The following CLSTN1 variants were observed in gnomAD, a reference collection of about 807,000 sequenced individuals.
The protein encoded by CLSTN1 is calsyntenin-1.
CLSTN1 carries 28 observed loss-of-function variants against 108.3 expected under a neutral mutation model. The observed-to-expected ratio is 0.26, with a 90% confidence interval of 0.19 to 0.35. The LOEUF (loss-of-function observed/expected upper bound fraction) is 0.35. CLSTN1 is among the 10% of genes least tolerant of loss of function. The pLI is 1.00. For synonymous variants in CLSTN1, 524 were observed against 534.9 expected, an observed-to-expected ratio of 0.98 and a Z score of 0.28; for missense variants, 1,157 against 1,302.6, an observed-to-expected ratio of 0.89 and a Z score of 1.72.
rs377314323 is a variant in CLSTN1 at position 9,750,777 on chromosome 1, G to A, written c.649+696C>T. Among the ~76,000 whole-genome samples, 25 of 149,516 alleles carry A rather than the reference G, an allele frequency of 1.7e-4. No individual in the cohort carries two copies. In the East Asian group the frequency reaches 1.8e-3, roughly 11 times the overall value. On this transcript the variant is annotated intron_variant, in intron 5 of 18. Coordinates refer to ENST00000377298, the MANE Select transcript of CLSTN1 (RefSeq NM_001009566.3). The stretch of plus-strand genomic sequence containing the variant: ...AACTTAATGGAGAACATGGCCAGGC[G>A]CGGTGGCTCACACATGTAATCCCAG...
Position 9,730,643 on chromosome 1 carries a change from C to G in CLSTN1, c.2811G>C (p.Glu937Asp). The change falls in exon 19 of 19, where the codon GAG becomes GAC. Residue 937 changes from glutamate (E) to aspartate (D), a missense_variant. Physicochemically the swap from Glu to Asp is conservative, Grantham distance 45. Coordinates refer to ENST00000377298, the MANE Select transcript of CLSTN1 (RefSeq NM_001009566.3). This position sits in a 1 kb window ranked among gnomAD's most constrained non-coding sequence, Gnocchi z 5.6. ...EEEEEEEEES[E>D]DGEEEDDITS... ...TGATGTCATCCTCTTCTTCGCCGTC[C>G]TCGCTTTCCTCTTCCTCTTCCTCTT... 6.2e-7 allele frequency: 1 copy of G among 1,610,452 alleles called. No homozygotes were observed.
intron 1 of CLSTN1, among the ~76,000 whole-genome samples, chr1:9,813,262 C>G (rs1381505732): frequency 1.3e-5 from 2 of 152,090 alleles, no homozygotes; most frequent in Non-Finnish European, 2.9e-5. Context: ...CTTTGGGAGG[C>G]TGAGGCGGGT....
chr1:9,781,136 C>T (rs1321681386), intron 1 of CLSTN1: 9 of 749,406 alleles, frequency 1.2e-5, no homozygotes, highest in East Asian at 2.5e-5. Context: ...TATTTGTGTA[C>T]GGCTTTGTGA....
chr1:9,769,799 T>C (rs1444173961), intron 2 of CLSTN1, among the ~76,000 whole-genome samples: 1 of 152,024 alleles, frequency 6.6e-6, no homozygotes, highest in African/African-American at 2.4e-5. Flanking sequence ...TCCCAGCATT[T>C]TGGGAAGCCG....
At chr1:9,748,709 G>A (rs1023497692) in intron 7 of CLSTN1, among the ~76,000 whole-genome samples, 4 of 151,936 alleles carry the variant, frequency 2.6e-5, no homozygotes, top group Non-Finnish European at 4.4e-5. Context: ...GGCTGGTCTC[G>A]AACTCCTGAC....
At chr1:9,824,281 C>T (rs1050025026), upstream of CLSTN1, 2 of 152,028 alleles carry the variant, frequency 1.3e-5, no homozygotes, top group African/African-American at 4.8e-5. This position sits in a 1 kb window ranked among gnomAD's most constrained non-coding sequence, Gnocchi z 5.0. Context: ...GCCTCAACTC[C>T]GCGTCCCTAC....
chr1:9,735,878 G>C lies in CLSTN1; in HGVS notation c.1734+7C>G. On this transcript the variant is annotated splice_region_variant and intron_variant, in intron 12 of 18. Transcript: ENST00000377298. ...TGAGTGGTGTGCAGTCGAGCGCTCG[G>C]TGTTACCTGCACGCCTCTGCCACTG... is the stretch of plus-strand genomic sequence containing the variant. The C allele has an allele frequency of 6.2e-7, 1 of 1,614,036 alleles. No homozygotes were observed. Among genetic ancestry groups the C allele is most frequent in the South Asian group, 1.1e-5 (1 of 91,080 alleles).
rs535818167 is a variant in CLSTN1 at position 9,731,322 on chromosome 1, C to A, written c.2632G>T (p.Gly878Trp). ...VSFLVFMIIL[G>W]VFRIRAAHRR... ...TGTGCGGCCCGGATCCGAAATACCC[C>A]CAGGATAATCATGAACACCAGGAAG... is the stretch of plus-strand genomic sequence containing the variant. The change falls in exon 18 of 19, where the codon GGG becomes TGG. Residue 878 changes from glycine (G) to tryptophan (W), a missense_variant. By Grantham distance (184) the Gly-to-Trp change is radical (BLOSUM62 -2). Transcript: ENST00000377298. 6.2e-7 allele frequency: 1 copy of A among 1,614,250 alleles called. No homozygotes were observed. The highest frequency in any genetic ancestry group is 8.5e-7 in the Non-Finnish European group (1 of 1,180,052).
intron 18 of CLSTN1, 138 bp downstream of exon 18, chr1:9,731,068 G>T: frequency 9.8e-7 from 1 of 1,016,010 alleles, no homozygotes. Context: ...TACCCACGAA[G>T]ACACCTAAGC....
chr1:9,755,241 T>C lies in CLSTN1; in HGVS notation c.313A>G (p.Thr105Ala), dbSNP rs773031798. 8 of 1,614,004 alleles carry C rather than the reference T, an allele frequency of 5.0e-6. No individual in the cohort carries two copies. The highest frequency in any genetic ancestry group is 6.8e-6 in the Non-Finnish European group (8 of 1,180,000). Reference protein sequence around the residue: ...PFDAVVVDKSTGEGVIRSKEK... With the variant: ...PFDAVVVDKSAGEGVIRSKEK... ...TTGGAGCGAATGACTCCCTCACCAG[T>C]GGATTTATCCACTACCACTGCATCA... Residue 105 changes from threonine (T) to alanine (A), a missense_variant, in exon 4 of 19, where the codon ACT becomes GCT. By Grantham distance (58) the Thr-to-Ala change is moderately conservative. Coordinates refer to ENST00000377298, the MANE Select transcript of CLSTN1 (RefSeq NM_001009566.3).
chr1:9,783,115 G>A (rs1300145003), intron 1 of CLSTN1, among the ~76,000 whole-genome samples: 1 of 152,202 alleles, frequency 6.6e-6, no homozygotes. Flanking sequence ...GTCCCAGGGT[G>A]GCCCTGATAT....
chr1:9,784,903 CA>C (rs1385515128), intron 1 of CLSTN1, among the ~76,000 whole-genome samples: 1 of 151,830 alleles, frequency 6.6e-6, no homozygotes, highest in Non-Finnish European at 1.5e-5. Flanking sequence ...CTCAAAAAAG[CA>C]TTTGGAACAG....
chr1:9,760,156 T>C (rs763454329), intron 2 of CLSTN1, among the ~76,000 whole-genome samples: 5 of 152,142 alleles, frequency 3.3e-5, no homozygotes, highest in Non-Finnish European at 7.3e-5. Context: ...AAATAATCAA[T>C]ATTCTGAGTA....
At chr1:9,806,227 G>T (rs1228512591) in intron 1 of CLSTN1, among the ~76,000 whole-genome samples, 2 of 151,708 alleles carry the variant, frequency 1.3e-5, no homozygotes, top group South Asian at 4.2e-4. Flanking sequence ...GGCAGGGGGG[G>T]TGGAGGGGGG....
chr1:9,737,958 C>G (rs1407239532), intron 10 of CLSTN1, among the ~76,000 whole-genome samples: 1 of 152,206 alleles, frequency 6.6e-6, no homozygotes. Context: ...ACCAACAGCA[C>G]CTCTTCTCCT....
chr1:9,737,413 G>C, intron 11 of CLSTN1, 85 bp downstream of exon 11: 1 of 1,251,582 alleles, frequency 8.0e-7, no homozygotes, highest in Non-Finnish European at 1.2e-6. Flanking sequence ...AAATGCAACT[G>C]GGGCGTTTCA....
chr1:9,753,777 G>T (rs918636892), intron 4 of CLSTN1, among the ~76,000 whole-genome samples: 1 of 152,148 alleles, frequency 6.6e-6, no homozygotes. Context: ...AAAGTGCTGG[G>T]ATTACAGGCG....
intron 2 of CLSTN1, among the ~76,000 whole-genome samples, chr1:9,757,163 C>G (rs1651854834): frequency 1.3e-5 from 2 of 151,954 alleles, no homozygotes; most frequent in South Asian, 4.1e-4. Flanking sequence ...ATGTTCATTT[C>G]CAACCTAAAT....
chr1:9,729,516 T>A lies in CLSTN1; in HGVS notation c.*992A>T, dbSNP rs1381153551. ...ATGCGTCTCTCCTGGACGTTCTGAG[T>A]ACGGATCGCTCAGGCCTCCTGCCGT... is the stretch of plus-strand genomic sequence containing the variant. On this transcript the variant is annotated 3_prime_UTR_variant, in exon 19 of 19. Transcript: ENST00000377298. The A allele has an allele frequency of 6.6e-6, 1 of 152,544 alleles. No homozygotes were observed. The highest frequency in any genetic ancestry group is 1.5e-5 in the Non-Finnish European group (1 of 68,050). The allele number at this position is 152,544 out of a possible 1,614,324, so 9.4% of individuals were successfully genotyped here.
Sources: allele counts gnomAD v4.1 joint callset (sites outside exome capture counted in the v4.1 genomes callset), GRCh38; gene constraint gnomAD v4.1.1; non-coding constraint Gnocchi (gnomAD v3.1); transcripts MANE v1.5; gene names NCBI Gene and HGNC (gene_info 2026-07-23, HGNC 2026-07-21).